Variants in SLC2A9 observed in about 807,000 individuals in gnomAD.
SLC2A9 encodes solute carrier family 2 member 9.
Under a neutral mutation model 50.6 loss-of-function variants are expected in SLC2A9, and 39 were observed. The observed-to-expected ratio is 0.77, with a 90% CI of 0.60 to 1.01. The LOEUF is 1.01. SLC2A9 is among the 50% of genes least tolerant of loss of function. The pLI, the probability that SLC2A9 is intolerant of heterozygous loss-of-function variation, is 0.00. For synonymous variants in SLC2A9, 324 were observed against 276.9 expected (o/e 1.17, Z -1.69); for missense variants, 686 against 677.6 (o/e 1.01, Z -0.14).
intron 10 of SLC2A9, among the ~76,000 whole-genome samples, chr4:9,875,658 A>G (rs1221406453): frequency 2.0e-5 from 3 of 152,192 alleles, no homozygotes; most frequent in Non-Finnish European, 4.4e-5. Context: ...ATTGTGGTTC[A>G]CTGCTGTGTA....
At chr4:9,910,589 T>C (rs1741555162) in intron 7 of SLC2A9, among the ~76,000 whole-genome samples, 1 of 152,212 alleles carries the variant, frequency 6.6e-6, no homozygotes, top group Non-Finnish European at 1.5e-5. Flanking sequence ...TTTGTGTTAT[T>C]CACAGCCGTG....
At chr4:9,779,100 C>A (rs568602793), downstream of SLC2A9, among the ~76,000 whole-genome samples, 3 of 152,318 alleles carry the variant, frequency 2.0e-5, no homozygotes, top group South Asian at 6.2e-4. Flanking sequence ...CTATTATTAA[C>A]TCACTTCCCA....
intron 3 of SLC2A9, among the ~76,000 whole-genome samples, chr4:9,806,918 A>T (rs1325597879): frequency 6.6e-6 from 1 of 152,192 alleles, no homozygotes; most frequent in African/African-American, 2.4e-5. Context: ...TTGGCTTTTA[A>T]GACTCTTGAA....
At position 9,897,275 on chromosome 4, in the gene SLC2A9, G is replaced by A. The variant is rs370802543; in HGVS notation, c.1114-6564C>T. 4.1e-4 allele frequency among the ~76,000 whole-genome samples: 62 copies of A among 152,282 alleles called. No individual in the cohort carries two copies. The South Asian group carries it at 1.0e-2, about 24-fold the overall frequency. ...TTTTCTCCCTTCATTTGTGTGAGCTGCCTGAGGTCACTGAGAGCCTCCAAC... is the reference window on the plus strand; with the variant it reads ...TTTTCTCCCTTCATTTGTGTGAGCTACCTGAGGTCACTGAGAGCCTCCAAC... On this transcript the variant is annotated intron_variant, in intron 8 of 11. Coordinates refer to ENST00000264784, the MANE Select transcript of SLC2A9 (RefSeq NM_020041.3).
intron 1 of SLC2A9, among the ~76,000 whole-genome samples, chr4:10,031,868 G>A (rs1290042407): frequency 6.6e-6 from 1 of 152,210 alleles, no homozygotes; most frequent in Non-Finnish European, 1.5e-5. Context: ...CCCTGGGAAT[G>A]CACTGGGAAT....
intron 10 of SLC2A9, among the ~76,000 whole-genome samples, chr4:9,851,453 G>T (rs544900999): frequency 6.6e-6 from 1 of 152,280 alleles, no homozygotes; most frequent in Admixed American, 6.5e-5. Context: ...AAGATTGTAG[G>T]ATCATCAGTC....
At chr4:10,039,744 T>C (rs1385432509) in intron 1 of SLC2A9, among the ~76,000 whole-genome samples, 1 of 152,158 alleles carries the variant, frequency 6.6e-6, no homozygotes, top group Non-Finnish European at 1.5e-5. Flanking sequence ...CACTCTCCAG[T>C]CCAATTCTCT....
intron 8 of SLC2A9, among the ~76,000 whole-genome samples, chr4:9,891,945 C>T (rs767143884): frequency 2.7e-4 from 41 of 152,176 alleles, no homozygotes; most frequent in Non-Finnish European, 5.4e-4. Flanking sequence ...GGTGACAGTG[C>T]GAAGGTCACA....
At chr4:9,942,179 G>A in intron 5 of SLC2A9, 134 bp from the exon 6 acceptor site, 1 of 1,107,056 alleles carries the variant, frequency 9.0e-7, no homozygotes, top group Non-Finnish European at 1.3e-6. Context: ...CAAAGGCTGA[G>A]GGAAGGAACT....
chr4:9,908,413 A>G, intron 7 of SLC2A9, 68 bp from the exon 8 acceptor site: 1 of 1,166,496 alleles, frequency 8.6e-7, no homozygotes, highest in Non-Finnish European at 1.3e-6. Flanking sequence ...TTCTAAATCA[A>G]ATTTGGGTAT....
At chr4:9,946,915 G>A (rs992315083) in intron 5 of SLC2A9, among the ~76,000 whole-genome samples, 5 of 152,184 alleles carry the variant, frequency 3.3e-5, no homozygotes, top group Admixed American at 6.5e-5. Flanking sequence ...AGAATTGCCA[G>A]TATAAAATAA....
At chr4:9,840,485 T>C (rs1307696762) in intron 10 of SLC2A9, among the ~76,000 whole-genome samples, 1 of 152,196 alleles carries the variant, frequency 6.6e-6, no homozygotes, top group South Asian at 2.1e-4. Flanking sequence ...CTTTCATGAA[T>C]AATATTTGCT....
At chr4:9,904,709 G>A (rs973783831) in intron 8 of SLC2A9, among the ~76,000 whole-genome samples, 2 of 152,198 alleles carry the variant, frequency 1.3e-5, no homozygotes, top group African/African-American at 4.8e-5. Context: ...CACTTAGCTG[G>A]TAAATGGGTG....
chr4:9,793,032 G>T (rs1355577084), intron 3 of SLC2A9, among the ~76,000 whole-genome samples: 1 of 152,090 alleles, frequency 6.6e-6, no homozygotes, highest in African/African-American at 2.4e-5. Context: ...GCGCTACCAC[G>T]CCCAGCTAAT....
rs778229983 is a variant in SLC2A9, at chr4:9,826,490, G to T, written c.1530C>A (p.Ile510=). The T allele has an allele frequency of 6.2e-7, 1 of 1,614,080 alleles. No homozygotes were observed. The highest frequency in any genetic ancestry group is 1.3e-5 in the African/African-American group (1 of 75,026). ...PETKNRTYAE[I]SQAFSKRNKA... ...TGTTCCTTTTGGAAAATGCCTGGCT[G>T]ATTTCTGCATAGGTTCTGTTTTTGG... The change falls in exon 12 of 12, where the codon ATC becomes ATA. Residue 510 remains isoleucine (I), a synonymous_variant. Transcript: ENST00000264784.
At chr4:10,037,327 C>T (rs920431486) in intron 1 of SLC2A9, among the ~76,000 whole-genome samples, 1 of 152,114 alleles carries the variant, frequency 6.6e-6, no homozygotes, top group Admixed American at 6.5e-5. Context: ...TGGGATCATA[C>T]GGTACGGTAT....
Position 9,786,567 on chromosome 4 carries a change from G to A in SLC2A9, n.386-6502C>T, listed in dbSNP as rs1719248267. Reference sequence around the variant, plus strand: ...GTGTTTGGAGGGAAGGCACCCTAGGGTTATGGGCAAAGTAGCTCTTACATG... The same window carrying A: ...GTGTTTGGAGGGAAGGCACCCTAGGATTATGGGCAAAGTAGCTCTTACATG... On this transcript the variant is annotated intron_variant and non_coding_transcript_variant, in intron 3 of 3. Coordinates refer to the SLC2A9 transcript ENST00000503803. 3.3e-5 allele frequency among the ~76,000 whole-genome samples: 5 copies of A among 152,338 alleles called. No homozygotes were observed. The South Asian group carries it at 6.2e-4, about 19-fold the overall frequency.
intron 1 of SLC2A9, chr4:10,035,012 G>A (rs549475739): frequency 6.6e-6 from 1 of 152,344 alleles, no homozygotes; most frequent in African/African-American, 2.4e-5. Context: ...TCCACCATCA[G>A]TCTCAGCAAA....
At chr4:9,775,840 G>A (rs867029423), downstream of SLC2A9, among the ~76,000 whole-genome samples, 5 of 152,104 alleles carry the variant, frequency 3.3e-5, no homozygotes, top group African/African-American at 1.2e-4. Context: ...GCAATGCAAG[G>A]ATGGCCTAAT....
Sources: gnomAD v4.1 joint callset for allele counts (sites outside exome capture counted in the v4.1 genomes callset) on GRCh38, gnomAD v4.1.1 for gene constraint, MANE v1.5 for transcripts, NCBI Gene and HGNC (gene_info 2026-07-23, HGNC 2026-07-21) for gene names.